Variants in EXOC4 observed in about 807,000 individuals in gnomAD.
The protein encoded by EXOC4 is SEC8-like 1.
EXOC4 carries 71 observed loss-of-function variants against 107.2 expected under a neutral mutation model. The ratio of observed to expected loss-of-function variants is 0.66; its 90% CI spans 0.55 to 0.81. The LOEUF (loss-of-function observed/expected upper bound fraction) is 0.81, where lower values mean the gene tolerates loss of function less well. Ranked by LOEUF, EXOC4 falls within the 30% of genes least tolerant of loss-of-function variation. EXOC4 has a pLI of 0.00. For synonymous variants in EXOC4, 456 were observed against 441.2 expected (o/e 1.03, Z -0.42); for missense variants, 1,108 against 1,189.6 (o/e 0.93, Z 1.01).
intron 7 of EXOC4, among the ~76,000 whole-genome samples, chr7:133,441,974 C>A (rs1798115643): frequency 6.6e-6 from 1 of 152,302 alleles, no homozygotes; most frequent in Non-Finnish European, 1.5e-5. Context: ...GGGTTCTCCT[C>A]CAGTGAACAA....
At chr7:134,085,850 A>G in the EXOC4 span, among the ~76,000 whole-genome samples, 1 of 152,188 alleles carries the variant, frequency 6.6e-6, no homozygotes, top group South Asian at 2.1e-4. Context: ...GATCTTGGGA[A>G]TGGGTTATTC....
chr7:133,348,815 GA>G (rs1795843493), intron 5 of EXOC4, among the ~76,000 whole-genome samples: 1 of 152,092 alleles, frequency 6.6e-6, no homozygotes, highest in Non-Finnish European at 1.5e-5. Context: ...AAATATAAAT[GA>G]CTTTTTTTGA....
Position 134,044,214 on chromosome 7 carries a change from G to A in EXOC4, c.2688-20077G>A, listed in dbSNP as rs77985339. ...CTCCACCAATATCCAGGTCATGAGA[G>A]CAGCCCTTCCTCTGAGCCACAGGGA... On this transcript the variant is annotated intron_variant, in intron 17 of 17. Coordinates refer to ENST00000253861, the MANE Select transcript of EXOC4 (RefSeq NM_021807.4). 4.3e-4 allele frequency among the ~76,000 whole-genome samples: 66 copies of A among 152,280 alleles called. No individual in the cohort carries two copies. In the East Asian group the frequency reaches 9.3e-3, roughly 21 times the overall value.
chr7:133,301,017 T>C lies in EXOC4; in HGVS notation c.472-4860T>C, dbSNP rs200070003. ...GAATGAATGATCTGGGATTCTTGGC[T>C]CCTGTGTGATAAATATCTTCGCTGC... On this transcript the variant is annotated intron_variant, in intron 3 of 17. Coordinates refer to ENST00000253861, the MANE Select transcript of EXOC4 (RefSeq NM_021807.4). 7.9e-5 allele frequency among the ~76,000 whole-genome samples: 12 copies of C among 152,338 alleles called. No homozygotes were observed. In the East Asian group the frequency reaches 2.3e-3, roughly 29 times the overall value.
At chr7:133,546,302 G>A (rs1800481133) in intron 9 of EXOC4, among the ~76,000 whole-genome samples, 1 of 137,396 alleles carries the variant, frequency 7.3e-6, no homozygotes, top group Non-Finnish European at 1.5e-5. Flanking sequence ...TGTCACCCAG[G>A]CTGGAGTGCA....
intron 10 of EXOC4, among the ~76,000 whole-genome samples, chr7:133,673,134 T>A (rs1022717326): frequency 6.6e-6 from 1 of 152,178 alleles, no homozygotes; most frequent in African/African-American, 2.4e-5. Context: ...TCAGTATTTC[T>A]TATTTCAGCA....
intron 10 of EXOC4, among the ~76,000 whole-genome samples, chr7:133,781,001 T>C (rs749312253): frequency 6.6e-6 from 1 of 152,164 alleles, no homozygotes. Context: ...TAGATAACCT[T>C]TTATTAGCCT....
chr7:133,802,585 G>A lies in EXOC4; in HGVS notation c.1515-14740G>A, dbSNP rs568228250. 2.6e-5 allele frequency among the ~76,000 whole-genome samples: 4 copies of A among 152,190 alleles called. No individual in the cohort carries two copies. The South Asian group carries it at 6.2e-4, about 24-fold the overall frequency. On this transcript the variant is annotated intron_variant, in intron 10 of 17. Coordinates refer to ENST00000253861, the MANE Select transcript of EXOC4 (RefSeq NM_021807.4). The stretch of plus-strand genomic sequence containing the variant: ...CTCCATATTTTTTAATAGGCCGGGC[G>A]CAGTGGCTCACACCTGTAATTTCAG...
intron 10 of EXOC4, among the ~76,000 whole-genome samples, chr7:133,705,453 A>G (rs922125472): frequency 3.3e-5 from 5 of 152,254 alleles, no homozygotes; most frequent in Admixed American, 3.3e-4. Flanking sequence ...GTCTGCTTCT[A>G]GTAGAAACTA....
chr7:133,482,787 TTTC>T (rs1432780342), intron 9 of EXOC4, among the ~76,000 whole-genome samples: 2 of 152,202 alleles, frequency 1.3e-5, no homozygotes, highest in African/African-American at 4.8e-5. Context: ...ATGCTATGCC[TTTC>T]TTCTTCTCCT....
intron 4 of EXOC4, among the ~76,000 whole-genome samples, chr7:133,310,289 A>C (rs1297238887): frequency 6.6e-6 from 1 of 152,128 alleles, no homozygotes; most frequent in Non-Finnish European, 1.5e-5. Context: ...ATAGTGCTGA[A>C]CCCTGAATCT....
rs1034186374 is a variant in EXOC4 at position 133,289,126 on chromosome 7, C to T, written c.471+10C>T. 3 of 1,612,496 alleles carry T rather than the reference C, an allele frequency of 1.9e-6. No homozygotes were observed. Among genetic ancestry groups the T allele is most frequent in the African/African-American group, 1.3e-5 (1 of 74,920 alleles). On this transcript the variant is annotated intron_variant, in intron 3 of 17. Coordinates refer to ENST00000253861, the MANE Select transcript of EXOC4 (RefSeq NM_021807.4). Reference sequence around the variant, plus strand: ...TGCCACTGACATGTTGGTAAGAGAACAGCCTGTGCTAAGGGTCATTTTTGT... The same window carrying T: ...TGCCACTGACATGTTGGTAAGAGAATAGCCTGTGCTAAGGGTCATTTTTGT...
At chr7:133,800,256 A>G (rs1325161742) in intron 10 of EXOC4, among the ~76,000 whole-genome samples, 3 of 152,218 alleles carry the variant, frequency 2.0e-5, no homozygotes, top group African/African-American at 7.2e-5. Context: ...TCTTAAAGTC[A>G]CATTTAAAGT....
intron 10 of EXOC4, among the ~76,000 whole-genome samples, chr7:133,716,601 C>G (rs1426836188): frequency 6.6e-6 from 1 of 152,112 alleles, no homozygotes; most frequent in Non-Finnish European, 1.5e-5. Flanking sequence ...GAGCTTACTT[C>G]TAGAATATGT....
intron 11 of EXOC4, among the ~76,000 whole-genome samples, chr7:133,853,757 C>T (rs778611966): frequency 6.6e-6 from 1 of 152,122 alleles, no homozygotes; most frequent in African/African-American, 2.4e-5. Flanking sequence ...TTGTATTCAT[C>T]TCTGAGGAAT....
chr7:133,828,256 TA>T (rs1563017127), intron 11 of EXOC4, among the ~76,000 whole-genome samples: 1 of 152,224 alleles, frequency 6.6e-6, no homozygotes, highest in Non-Finnish European at 1.5e-5. Context: ...TCTTCAGATT[TA>T]TTTCTTTTCC....
At chr7:133,987,732 T>C (rs940357053) in intron 14 of EXOC4, among the ~76,000 whole-genome samples, 3 of 152,166 alleles carry the variant, frequency 2.0e-5, no homozygotes, top group African/African-American at 7.2e-5. Context: ...CGTGCCGAGA[T>C]AACCATCTTT....
chr7:133,898,106 G>A (rs1799362908), intron 12 of EXOC4, among the ~76,000 whole-genome samples: 1 of 146,726 alleles, frequency 6.8e-6, no homozygotes, highest in South Asian at 2.1e-4. Flanking sequence ...GTGAAATCAT[G>A]CAATATTTGT....
intron 9 of EXOC4, among the ~76,000 whole-genome samples, chr7:133,493,657 A>C (rs1799419119): frequency 6.6e-6 from 1 of 150,974 alleles, no homozygotes; most frequent in Admixed American, 6.6e-5. Context: ...TCCTCCCCCC[A>C]CCCCCATTTT....
Sources: gnomAD v4.1 joint callset for allele counts (sites outside exome capture counted in the v4.1 genomes callset) on GRCh38, gnomAD v4.1.1 for gene constraint, MANE v1.5 for transcripts, NCBI Gene and HGNC (gene_info 2026-07-23, HGNC 2026-07-21) for gene names.